COL5A1: variants seen among roughly 807,000 people sequenced by gnomAD.
COL5A1 encodes the protein collagen type V alpha 1 chain, also known as collagen alpha-1(V) chain.
Under a neutral mutation model 263.7 loss-of-function variants are expected in COL5A1, and 16 were observed. The observed-to-expected ratio is 0.06, with a 90% CI of 0.04 to 0.09. The LOEUF (loss-of-function observed/expected upper bound fraction) is 0.09. Among genes scored for constraint, COL5A1 ranks in the 10% least tolerant of loss-of-function variants. The probability of loss-of-function intolerance (pLI) is 1.00; values close to 1 mark genes in which losing one functional copy is unlikely to be tolerated. For missense variants in COL5A1, 2,036 were observed against 2,540.5 expected, an observed-to-expected ratio of 0.80 and a Z score of 4.27; for synonymous variants, 1,012 against 1,004.5, an observed-to-expected ratio of 1.01 and a Z score of -0.14.
In COL5A1 at chr9:134,754,263, C is replaced by T. The variant is rs995270180; in HGVS notation, c.1774-10C>T. 6.2e-7 allele frequency: 1 copy of T among 1,613,574 alleles called. No homozygotes were observed. The highest frequency in any genetic ancestry group is 1.3e-5 in the African/African-American group (1 of 74,952). Reference sequence around the variant, plus strand: ...CTCGCCACTGACCCTTTGTCTCTTACCCCTGGCAGGGTCCTCGAGGTGTGC... The same window carrying T: ...CTCGCCACTGACCCTTTGTCTCTTATCCCTGGCAGGGTCCTCGAGGTGTGC... On this transcript the variant is annotated splice_polypyrimidine_tract_variant and intron_variant, in intron 15 of 65. Transcript: ENST00000371817. This position sits in a 1 kb window ranked among gnomAD's most constrained non-coding sequence, Gnocchi z 4.3.
In COL5A1 at chr9:134,731,640, A is replaced by G; in HGVS notation, c.1309A>G (p.Asn437Asp). 1 of 1,613,916 alleles carries G rather than the reference A, an allele frequency of 6.2e-7. No individual in the cohort carries two copies. Among genetic ancestry groups the G allele is most frequent in the Non-Finnish European group, 8.5e-7 (1 of 1,179,956 alleles). ...GGAGATCGGGCCGGGAATGCCGGCG[A>G]ACCAGGATACCATCTATGAAGGGGT... Reference protein sequence around the residue: ...PSEIGPGMPANQDTIYEGIGG... With the variant: ...PSEIGPGMPADQDTIYEGIGG... Residue 437 changes from asparagine (N) to aspartate (D), a missense_variant, in exon 8 of 66, where the codon AAC (asparagine) becomes GAC (aspartate). Physicochemically the swap from Asn to Asp is conservative, Grantham distance 23 (BLOSUM62 1). Coordinates refer to ENST00000371817, the MANE Select transcript of COL5A1 (RefSeq NM_000093.5).
Position 134,742,338 on chromosome 9 carries a change from G to A in COL5A1, c.1494+3530G>A, listed in dbSNP as rs1186900735. On this transcript the variant is annotated intron_variant, in intron 11 of 65. Coordinates refer to ENST00000371817, the MANE Select transcript of COL5A1 (RefSeq NM_000093.5). The surrounding 1 kb of genome is among the most constrained non-coding windows in gnomAD (Gnocchi z 4.6). ...GGAAGAAAAGGCACAGACCAGGCAC[G>A]GTTAGACAGCAAGAATTAATTAGTA... 2.6e-5 allele frequency among the ~76,000 whole-genome samples: 4 copies of A among 152,026 alleles called. No homozygotes were observed. Among genetic ancestry groups the A allele is most frequent in the East Asian group, 2.0e-4 (1 of 5,126 alleles).
rs754196470 is a variant in COL5A1, at chr9:134,738,738, A to G, written c.1432-8A>G. ...TTCTAACTGCCCCAACTTTATTTTTAATTCTAGGGTCTTCCCGGACCTCCA... is the reference window on the plus strand; with the variant it reads ...TTCTAACTGCCCCAACTTTATTTTTGATTCTAGGGTCTTCCCGGACCTCCA... On this transcript the variant is annotated splice_region_variant and splice_polypyrimidine_tract_variant and intron_variant, in intron 10 of 65. Transcript: ENST00000371817. 2.9e-5 allele frequency: 46 copies of G among 1,610,996 alleles called. 1 individual carries two copies. In the South Asian group the frequency reaches 4.9e-4, roughly 17 times the overall value.
chr9:134,807,256 A>G (rs955479052), intron 42 of COL5A1, among the ~76,000 whole-genome samples: 5 of 152,152 alleles, frequency 3.3e-5, no homozygotes, highest in Non-Finnish European at 7.4e-5. Flanking sequence ...GACCATCTCA[A>G]ATTGAGTTAG....
At chr9:134,793,299 T>C (rs952039306) in intron 32 of COL5A1, among the ~76,000 whole-genome samples, 2 of 151,986 alleles carry the variant, frequency 1.3e-5, no homozygotes, top group Non-Finnish European at 2.9e-5. Context: ...AGCATGGCCA[T>C]TGCTGGGACT....
intron 1 of COL5A1, among the ~76,000 whole-genome samples, chr9:134,672,913 C>T (rs892395512): frequency 4.6e-5 from 7 of 152,066 alleles, no homozygotes. Context: ...GCTGTTACAA[C>T]AATATTAAAA....
rs747859942 is a variant in COL5A1 at position 134,737,822 on chromosome 9, G to A, written c.1390-652G>A. ...CCATTGGGGTTAGAGTGAGGCCTGG[G>A]TGTGCTTGAGGCAGATGGGCCCTGT... On this transcript the variant is annotated intron_variant, in intron 9 of 65. Coordinates refer to ENST00000371817, the MANE Select transcript of COL5A1 (RefSeq NM_000093.5). Among the ~76,000 whole-genome samples the A allele has an allele frequency of 6.5e-4, 99 of 152,330 alleles. No homozygotes were observed. In the Middle Eastern group the frequency reaches 0.024, roughly 37 times the overall value.
intron 35 of COL5A1, among the ~76,000 whole-genome samples, 187 bp downstream of exon 35, chr9:134,796,605 C>G (rs887143871): frequency 2.0e-5 from 3 of 152,172 alleles, no homozygotes; most frequent in Non-Finnish European, 4.4e-5. Context: ...GGTCAGGGGC[C>G]TCGACCGCAG....
At chr9:134,748,759 A>G (rs1588500706) in intron 11 of COL5A1, among the ~76,000 whole-genome samples, 1 of 152,216 alleles carries the variant, frequency 6.6e-6, no homozygotes, top group African/African-American at 2.4e-5. Context: ...ATATGTTAGC[A>G]CGTCTGTCGG....
At position 134,641,844 on chromosome 9, in the gene COL5A1, C is replaced by A; in HGVS notation, c.-344C>A. ...CCCGCGGCTGGCGCAGGACCTCACTCGAGCGGAGCGCCCACGGGGAGCGGG... is the reference window on the plus strand; with the variant it reads ...CCCGCGGCTGGCGCAGGACCTCACTAGAGCGGAGCGCCCACGGGGAGCGGG... On this transcript the variant is annotated 5_prime_UTR_variant, in exon 1 of 66. Coordinates refer to ENST00000371817, the MANE Select transcript of COL5A1 (RefSeq NM_000093.5). The A allele has an allele frequency of 2.6e-6, 1 of 389,164 alleles. No homozygotes were observed. The highest frequency in any genetic ancestry group is 6.5e-4 in the Middle Eastern group (1 of 1,536). The allele number at this position is 389,164 out of a possible 1,614,324, so 24.1% of individuals were successfully genotyped here.
intron 1 of COL5A1, among the ~76,000 whole-genome samples, chr9:134,683,747 C>T (rs533452669): frequency 1.3e-5 from 2 of 152,342 alleles, no homozygotes; most frequent in Admixed American, 1.3e-4. Flanking sequence ...GGGCCCACCC[C>T]ACCTGAGAGT....
chr9:134,805,788 C>T (rs1838274720), intron 41 of COL5A1, among the ~76,000 whole-genome samples: 1 of 151,934 alleles, frequency 6.6e-6, no homozygotes. Context: ...GGTTGCCCTG[C>T]AGGCATGTGG....
At chr9:134,806,667 T>C (rs1161030626) in intron 42 of COL5A1, among the ~76,000 whole-genome samples, 3 of 152,202 alleles carry the variant, frequency 2.0e-5, no homozygotes, top group Admixed American at 6.5e-5. Context: ...CCGTCCAGCC[T>C]CAGTGCCACC....
At chr9:134,767,468 C>T in intron 24 of COL5A1, 114 bp downstream of exon 24, 1 of 975,162 alleles carries the variant, frequency 1.0e-6, no homozygotes, top group East Asian at 2.5e-5. Flanking sequence ...TCTTGGTGCT[C>T]CCAAGAGACG....
chr9:134,715,896 A>C (rs1037996650), intron 4 of COL5A1, among the ~76,000 whole-genome samples: 1 of 151,986 alleles, frequency 6.6e-6, no homozygotes, highest in Non-Finnish European at 1.5e-5. Context: ...TTTCCCCACA[A>C]TTCTGGTGAA....
rs35231932 is a variant in COL5A1, at chr9:134,725,243, TG to T, written c.655-2018del. Among the ~76,000 whole-genome samples, 7 of 152,282 alleles carry T rather than the reference TG, an allele frequency of 4.6e-5. No individual in the cohort carries two copies. The East Asian group carries it at 9.7e-4, about 21-fold the overall frequency. ...CTTGGGCTGATCCTGCCCCAGCTGCTGGGGGACCCTGGACAGGTGACCTCAC... is the reference window on the plus strand; with the variant it reads ...CTTGGGCTGATCCTGCCCCAGCTGCTGGGGACCCTGGACAGGTGACCTCAC... On this transcript the variant is annotated intron_variant, in intron 4 of 65. Coordinates refer to ENST00000371817, the MANE Select transcript of COL5A1 (RefSeq NM_000093.5).
At chr9:134,649,572 G>T in intron 1 of COL5A1, 1 of 446,362 alleles carries the variant, frequency 2.2e-6, no homozygotes. Context: ...GTTTCTGGTG[G>T]CCTCTTTTTT....
At chr9:134,768,498 C>G (rs1272296751) in intron 25 of COL5A1, 35 bp downstream of exon 25, 5 of 1,600,656 alleles carry the variant, frequency 3.1e-6, no homozygotes, top group African/African-American at 1.3e-5. Flanking sequence ...CCTCCATACT[C>G]TCCCCACCTC....
chr9:134,802,004 T>A lies in COL5A1; in HGVS notation c.3003T>A (p.Pro1001=). Residue 1001 remains proline, a synonymous_variant, in exon 38 of 66, where the codon CCT becomes CCA. Transcript: ENST00000371817. The stretch of plus-strand genomic sequence containing the variant: ...CAGGCCCCCCCGGCGTGGTCGGCCC[T>A]CAGGTAAGCTCCAGCCTTCCCAGAT... ...GPPGPPGVVG[P]QGPTGETGPM... 6.2e-7 allele frequency: 1 copy of A among 1,613,278 alleles called. No individual in the cohort carries two copies. The highest frequency in any genetic ancestry group is 8.5e-7 in the Non-Finnish European group (1 of 1,179,958).
Sources: gnomAD v4.1 joint callset for allele counts (sites outside exome capture counted in the v4.1 genomes callset) on GRCh38, gnomAD v4.1.1 for gene constraint, Gnocchi (gnomAD v3.1) non-coding constraint, MANE v1.5 for transcripts, NCBI Gene and HGNC (gene_info 2026-07-23, HGNC 2026-07-21) for gene names.